BSG: variants seen among roughly 807,000 people sequenced by gnomAD.
BSG encodes basigin (Ok blood group), also known as basigin.
BSG carries 37 observed loss-of-function variants against 43.1 expected under a neutral mutation model. The ratio of observed to expected loss-of-function variants is 0.86; its 90% CI spans 0.66 to 1.13. The LOEUF (loss-of-function observed/expected upper bound fraction) is 1.13, where lower values mean the gene tolerates loss of function less well. Ranked by LOEUF, BSG falls within the 50% of genes most tolerant of loss-of-function variation. The pLI, the probability that BSG is intolerant of heterozygous loss-of-function variation, is 0.00. For missense variants in BSG, 599 were observed against 554.2 expected (o/e 1.08, Z -0.81); for synonymous variants, 309 against 238.7 (o/e 1.29, Z -2.72).
At chr19:573,244 G>A (rs904688879) in intron 1 of BSG, among the ~76,000 whole-genome samples, 5 of 152,160 alleles carry the variant, frequency 3.3e-5, no homozygotes, top group Non-Finnish European at 5.9e-5. Flanking sequence ...GCTGGACTCC[G>A]CAGGACCTGG....
chr19:571,652 A>T (rs1981249294), upstream of BSG: 1 of 773,250 alleles, frequency 1.3e-6, no homozygotes, highest in Non-Finnish European at 2.4e-6. Context: ...CGGTCCCGCA[A>T]AGAGAAACCA....
At position 579,542 on chromosome 19, in the gene BSG, T is replaced by C; in HGVS notation, c.458T>C (p.Ile153Thr). The change falls in exon 3 of 9, where the codon ATA becomes ACA. Residue 153 changes from isoleucine (I) to threonine (T), a missense_variant. Physicochemically the swap from Ile to Thr is moderately conservative, Grantham distance 89 (BLOSUM62 -1). Transcript: ENST00000333511. ...FTTVEDLGSK[I>T]LLTCSLNDSA... ...ACCGTAGAAGACCTTGGCTCCAAGATACTCCTCACCTGCTCCTTGAATGAC... is the reference window on the plus strand; with the variant it reads ...ACCGTAGAAGACCTTGGCTCCAAGACACTCCTCACCTGCTCCTTGAATGAC... 1.9e-6 allele frequency: 3 copies of C among 1,612,636 alleles called. No individual in the cohort carries two copies. Among genetic ancestry groups the C allele is most frequent in the Non-Finnish European group, 2.5e-6 (3 of 1,179,888 alleles).
In BSG at chr19:579,549, C is replaced by T. The variant is rs369839342; in HGVS notation, c.465C>T (p.Leu155=). 71 of 1,612,662 alleles carry T rather than the reference C, an allele frequency of 4.4e-5. 1 individual carries two copies. Among genetic ancestry groups the T allele is most frequent in the Middle Eastern group, 1.6e-4 (1 of 6,082 alleles). Residue 155 remains leucine (L), a synonymous_variant, in exon 3 of 9, where the codon CTC becomes CTT. Transcript: ENST00000333511. Reference sequence around the variant, plus strand: ...AAGACCTTGGCTCCAAGATACTCCTCACCTGCTCCTTGAATGACAGCGCCA... The same window carrying T: ...AAGACCTTGGCTCCAAGATACTCCTTACCTGCTCCTTGAATGACAGCGCCA... The part of the protein sequence containing the change: ...TVEDLGSKIL[L]TCSLNDSATE...
upstream of BSG, chr19:571,637 C>T (rs1981248223): frequency 1.0e-5 from 8 of 777,936 alleles, no homozygotes; most frequent in Non-Finnish European, 1.7e-5. Context: ...TTGGGGGCGG[C>T]GAGTCGGTCC....
At chr19:574,278 G>T (rs1981563917) in intron 1 of BSG, among the ~76,000 whole-genome samples, 1 of 150,184 alleles carries the variant, frequency 6.7e-6, no homozygotes, top group Non-Finnish European at 1.5e-5. Context: ...AAGAGGTCGG[G>T]CATGGTGGCT....
Position 582,743 on chromosome 19 carries a change from TC to T in BSG, c.*6-5del. On this transcript the variant is annotated splice_polypyrimidine_tract_variant and splice_region_variant and intron_variant, in intron 8 of 8. Transcript: ENST00000333511. ...GGTCCAGTCTGAGCGCCCCTCCCTG[TC>T]CACAGGTGGCCCGAGGACGCTCCCT... 2 of 747,838 alleles carry T rather than the reference TC, an allele frequency of 2.7e-6. No individual in the cohort carries two copies. The highest frequency in any genetic ancestry group is 4.4e-6 in the Non-Finnish European group (2 of 457,312). The allele number at this position is 747,838 out of a possible 1,614,324, so 46.3% of individuals were successfully genotyped here.
At chr19:574,679 AG>A (rs1197694891) in intron 1 of BSG, among the ~76,000 whole-genome samples, 4 of 152,210 alleles carry the variant, frequency 2.6e-5, no homozygotes, top group Non-Finnish European at 5.9e-5. Flanking sequence ...ATTGAGCCGT[AG>A]GGGGCCTTGG....
intron 1 of BSG, among the ~76,000 whole-genome samples, chr19:576,760 A>AAAAAAG (rs1555726065): frequency 6.8e-6 from 1 of 146,146 alleles, no homozygotes; most frequent in African/African-American, 2.6e-5. Flanking sequence ...AAAAAAAAAA[A>AAAAAAG]AAGAAGAAGA....
intron 1 of BSG, among the ~76,000 whole-genome samples, chr19:577,075 C>T (rs2145892589): frequency 6.6e-6 from 1 of 152,300 alleles, no homozygotes; most frequent in Non-Finnish European, 1.5e-5. Context: ...TCCCCTTGGG[C>T]TGGGCTGTTC....
rs1275061134 is a variant in BSG at position 572,621 on chromosome 19, G to C, written c.-14G>C. On this transcript the variant is annotated 5_prime_UTR_variant, in exon 1 of 9. Coordinates refer to ENST00000333511, the MANE Select transcript of BSG (RefSeq NM_001728.4). Reference sequence around the variant, plus strand: ...AGCGGTTGGAGGTTGTAGGACCGGCGAGGAATAGGAATCATGGCGGCTGCG... The same window carrying C: ...AGCGGTTGGAGGTTGTAGGACCGGCCAGGAATAGGAATCATGGCGGCTGCG... The C allele has an allele frequency of 2.0e-6, 3 of 1,494,768 alleles. No homozygotes were observed. Among genetic ancestry groups the C allele is most frequent in the Non-Finnish European group, 1.8e-6 (2 of 1,119,456 alleles). 92.6% of individuals were successfully genotyped at this position (1,494,768 alleles called of 1,614,324 possible). A position where few individuals can be genotyped will look rare whatever the true frequency, so the allele number is the denominator to read the frequency against.
At chr19:582,056 A>G (rs920121525) in intron 6 of BSG, among the ~76,000 whole-genome samples, 15 of 152,176 alleles carry the variant, frequency 9.9e-5, no homozygotes, top group South Asian at 2.1e-4. Context: ...GCTGTGGGGC[A>G]GGGGTGAGGC....
chr19:577,675 C>A, intron 1 of BSG, 99 bp from the exon 2 acceptor site: 1 of 1,047,048 alleles, frequency 9.6e-7, no homozygotes, highest in Non-Finnish European at 1.3e-6. Flanking sequence ...GCTTCTCCAC[C>A]AGCCCTGGCT....
At chr19:574,188 A>G (rs1439084796) in intron 1 of BSG, among the ~76,000 whole-genome samples, 1 of 151,496 alleles carries the variant, frequency 6.6e-6, no homozygotes, top group Admixed American at 6.6e-5. Context: ...CTGGGAGGTG[A>G]AGGTTGCAGT....
At chr19:574,253 TAAA>T (rs11420107) in intron 1 of BSG, among the ~76,000 whole-genome samples, 8 of 127,004 alleles carry the variant, frequency 6.3e-5, no homozygotes, top group Admixed American at 8.1e-5. Flanking sequence ...ACTCTGTCTT[TAAA>T]AAAAAAAAAA....
At chr19:574,830 C>G (rs988173779) in intron 1 of BSG, among the ~76,000 whole-genome samples, 1 of 152,150 alleles carries the variant, frequency 6.6e-6, no homozygotes, top group African/African-American at 2.4e-5. Context: ...CCCAGCACTG[C>G]GGCCAGCTCT....
intron 2 of BSG, 145 bp from the exon 3 acceptor site, chr19:579,355 G>C: frequency 8.8e-7 from 1 of 1,142,572 alleles, no homozygotes; most frequent in Non-Finnish European, 1.3e-6. Context: ...TTGGGCCTCC[G>C]GTCCTCGGGG....
At chr19:577,679 C>T (rs1003925483) in intron 1 of BSG, 95 bp from the exon 2 acceptor site, 3 of 1,085,570 alleles carry the variant, frequency 2.8e-6, no homozygotes, top group Non-Finnish European at 3.6e-6. Context: ...CTCCACCAGC[C>T]CTGGCTGGGA....
At chr19:577,508 G>A (rs567013917) in intron 1 of BSG, among the ~76,000 whole-genome samples, 1 of 152,306 alleles carries the variant, frequency 6.6e-6, no homozygotes, top group South Asian at 2.1e-4. Context: ...AGTTTCATGT[G>A]TTTTGTGTTT....
At chr19:578,225 G>C (rs937077690) in intron 2 of BSG, 104 bp downstream of exon 2, 3 of 1,208,408 alleles carry the variant, frequency 2.5e-6, no homozygotes, top group Non-Finnish European at 3.3e-6. Context: ...TCCCCTCTCC[G>C]TCCCGCTGTG....
Sources: allele counts gnomAD v4.1 joint callset (sites outside exome capture counted in the v4.1 genomes callset), GRCh38; gene constraint gnomAD v4.1.1; transcripts MANE v1.5; gene names NCBI Gene and HGNC (gene_info 2026-07-23, HGNC 2026-07-21).